The following SLC6A13 variants were observed in gnomAD, a reference collection of about 807,000 sequenced individuals.
The protein encoded by SLC6A13 is sodium- and chloride-dependent GABA transporter 2.
Under a neutral mutation model 72.9 loss-of-function variants are expected in SLC6A13, and 69 were observed. The ratio of observed to expected loss-of-function variants is 0.95; its 90% CI spans 0.78 to 1.16. The LOEUF (loss-of-function observed/expected upper bound fraction) is 1.16, where lower values mean the gene tolerates loss of function less well. Among genes scored for constraint, SLC6A13 ranks in the 50% most tolerant of loss-of-function variants. The pLI, the probability that SLC6A13 is intolerant of heterozygous loss-of-function variation, is 0.00. For synonymous variants in SLC6A13, 303 were observed against 303.0 expected, an observed-to-expected ratio of 1.00 and a Z score of 0.00; for missense variants, 735 against 760.5, an observed-to-expected ratio of 0.97 and a Z score of 0.39.
intron 6 of SLC6A13, 44 bp downstream of exon 6, chr12:237,114 G>A (rs758660129): frequency 7.5e-6 from 12 of 1,608,152 alleles, no homozygotes; most frequent in Admixed American, 3.3e-5. Context: ...CCCAGTGAGG[G>A]CAGGAGTCCG....
intron 2 of SLC6A13, chr12:253,667 G>A (rs1269350268): frequency 6.6e-6 from 1 of 152,426 alleles, no homozygotes; most frequent in African/African-American, 2.4e-5. Context: ...TGGGTGTTGA[G>A]CAACTTGGTC....
In SLC6A13 at chr12:235,271, A is replaced by AGCAGGGGCAGGAG. The variant is rs757169353; in HGVS notation, c.697-60_697-48dup. ...ACAAGGAGCTTGTGAGTGAGGAAGCAGCAGGGGCAGGAGGCAGGGGCAGGA... is the reference window on the plus strand; with the variant it reads ...ACAAGGAGCTTGTGAGTGAGGAAGCAGCAGGGGCAGGAGGCAGGGGCAGGAGGCAGGGGCAGGA... On this transcript the variant is annotated intron_variant, in intron 6 of 14. Coordinates refer to ENST00000343164, the MANE Select transcript of SLC6A13 (RefSeq NM_016615.5). 96 of 1,610,592 alleles carry AGCAGGGGCAGGAG rather than the reference A, an allele frequency of 6.0e-5. 1 individual carries two copies. Among genetic ancestry groups the AGCAGGGGCAGGAG allele is most frequent in the East Asian group, 3.8e-4 (17 of 44,844 alleles).
In SLC6A13 at chr12:224,446, G is replaced by A. The variant is rs572312425; in HGVS notation, c.1128C>T (p.Ala376=). ...GAACGACCATGAAGAAGAAACAGCA[G>A]GCCCAGAGAGGAGAGAAGGGCAGCA... The part of the protein sequence containing the change: ...VVMLPFSPLW[A]CCFFFMVVLL... The change falls in exon 10 of 15, where the codon GCC becomes GCT. Residue 376 remains alanine, a synonymous_variant. Coordinates refer to ENST00000343164, the MANE Select transcript of SLC6A13 (RefSeq NM_016615.5). 104 of 1,614,170 alleles carry A rather than the reference G, an allele frequency of 6.4e-5. 2 individuals carry two copies. In the South Asian group the frequency reaches 1.0e-3, roughly 16 times the overall value.
chr12:227,227 T>C (rs907887332), intron 8 of SLC6A13, among the ~76,000 whole-genome samples: 1 of 152,196 alleles, frequency 6.6e-6, no homozygotes, highest in South Asian at 2.1e-4. Context: ...ATCAAAGTTA[T>C]AAGGAAACGA....
At chr12:246,999 C>A (rs1942373414) in intron 2 of SLC6A13, among the ~76,000 whole-genome samples, 2 of 125,722 alleles carry the variant, frequency 1.6e-5, no homozygotes, top group Admixed American at 1.8e-4. Context: ...CAGAGTGAGA[C>A]TCCATCTCAA....
chr12:247,007 C>CAA (rs747908813), intron 2 of SLC6A13, among the ~76,000 whole-genome samples: 2,229 of 113,018 alleles, frequency 0.02, 39 homozygotes, highest in Middle Eastern at 0.053. Context: ...GACTCCATCT[C>CAA]AAAAAAAAAA....
At chr12:225,967 T>C (rs540225996) in intron 9 of SLC6A13, among the ~76,000 whole-genome samples, 1 of 152,234 alleles carries the variant, frequency 6.6e-6, no homozygotes, top group African/African-American at 2.4e-5. Context: ...ATTCATTTTA[T>C]AGTGAACAAA....
At chr12:224,297 G>T in intron 10 of SLC6A13, 104 bp downstream of exon 10, 1 of 1,331,992 alleles carries the variant, frequency 7.5e-7, no homozygotes, top group Non-Finnish European at 1.1e-6. Context: ...AAGCTCCTGT[G>T]TCCCCAAAAG....
In SLC6A13 at chr12:227,382, C is replaced by A. The variant is rs1941504352; in HGVS notation, c.935+183G>T. On this transcript the variant is annotated intron_variant, in intron 8 of 14. Transcript: ENST00000343164. ...CTATCCCACCCTTTCGGATGCAATT[C>A]TCTGTCCATCTTGCAGTTGGCTCCT... 3 of 606,110 alleles carry A rather than the reference C, an allele frequency of 4.9e-6. No homozygotes were observed. The African/African-American group carries it at 6.0e-5, about 12-fold the overall frequency. 37.5% of individuals were successfully genotyped at this position (606,110 alleles called of 1,614,324 possible). A position where few individuals can be genotyped will look rare whatever the true frequency, so the allele number is the denominator to read the frequency against.
chr12:244,945 G>A (rs1942296477), intron 2 of SLC6A13, among the ~76,000 whole-genome samples: 2 of 152,124 alleles, frequency 1.3e-5, no homozygotes, highest in South Asian at 4.1e-4. Context: ...ATAAGCATTG[G>A]CGGAGACAAG....
chr12:222,614 T>A lies in SLC6A13; in HGVS notation c.1433A>T (p.Asp478Val). 6.2e-7 allele frequency: 1 copy of A among 1,608,010 alleles called. No individual in the cohort carries two copies. The highest frequency in any genetic ancestry group is 8.5e-7 in the Non-Finnish European group (1 of 1,176,430). ...GTACCCAATCATGTCTTCGATGTTG[T>A]CGTAGAAGCGCTTGGCTCCTACCAT... ...AWVYGAKRFY[D>V]NIEDMIGYRP... is the part of the protein sequence containing the mutation. The change falls in exon 13 of 15, where the codon GAC becomes GTC. Residue 478 changes from aspartate (D) to valine (V), a missense_variant. Physicochemically the swap from Asp to Val is radical, Grantham distance 152. Transcript: ENST00000343164.
At chr12:243,926 C>T (rs770111259) in intron 2 of SLC6A13, 113 bp from the exon 3 acceptor site, 27 of 984,624 alleles carry the variant, frequency 2.7e-5, no homozygotes, top group Non-Finnish European at 3.7e-5. Context: ...AGGCAGAGAA[C>T]ATGCAAAACT....
rs913455422 is a variant in SLC6A13 at position 252,436 on chromosome 12, C to T, written c.202+7415G>A. The stretch of plus-strand genomic sequence containing the variant: ...TCTCAATTGTGGCAGTGGTTTCATG[C>T]GTATATACATATGTCAAAATTTATC... On this transcript the variant is annotated intron_variant, in intron 2 of 14. Coordinates refer to ENST00000343164, the MANE Select transcript of SLC6A13 (RefSeq NM_016615.5). 3.3e-5 allele frequency among the ~76,000 whole-genome samples: 5 copies of T among 152,146 alleles called. No homozygotes were observed. In the East Asian group the frequency reaches 7.7e-4, roughly 23 times the overall value.
chr12:234,454 G>A (rs527428593), intron 7 of SLC6A13, among the ~76,000 whole-genome samples: 2 of 152,146 alleles, frequency 1.3e-5, no homozygotes, highest in African/African-American at 4.8e-5. Flanking sequence ...TGCCTATGGA[G>A]TAGCCATTCT....
At chr12:253,302 G>A (rs1442207825) in intron 2 of SLC6A13, 2 of 152,248 alleles carry the variant, frequency 1.3e-5, no homozygotes, top group African/African-American at 2.4e-5. Flanking sequence ...ACAGAAGAGC[G>A]AGGAGCTTCC....
At position 237,957 on chromosome 12, in the gene SLC6A13, T is replaced by C. The variant is rs1167194214; in HGVS notation, c.532A>G (p.Asn178Asp). The C allele has an allele frequency of 6.2e-7, 1 of 1,613,940 alleles. No individual in the cohort carries two copies. The highest frequency in any genetic ancestry group is 8.5e-7 in the Non-Finnish European group (1 of 1,179,968). Residue 178 changes from asparagine to aspartate, a missense_variant, in exon 5 of 15, where the codon AAT becomes GAT. Physicochemically the swap from Asn to Asp is conservative, Grantham distance 23. Transcript: ENST00000343164. ...AACTCGATGACAGGAGAGGTGGCAT[T>C]CTCAGAGGTACCATTCAGGGAGCCG... The part of the protein sequence containing the change: ...TNGSLNGTSE[N>D]ATSPVIEFWE...
At chr12:257,545 T>A (rs1244946215) in intron 2 of SLC6A13, among the ~76,000 whole-genome samples, 18 of 151,962 alleles carry the variant, frequency 1.2e-4, no homozygotes. Context: ...AGAATCAGAG[T>A]GCTGGAAGGC....
At chr12:253,945 T>A (rs1226171077) in intron 2 of SLC6A13, among the ~76,000 whole-genome samples, 1 of 152,232 alleles carries the variant, frequency 6.6e-6, no homozygotes, top group Non-Finnish European at 1.5e-5. Flanking sequence ...AGACGGTTTT[T>A]TCATCTGGGC....
chr12:261,189 C>T (rs575388461), intron 1 of SLC6A13, among the ~76,000 whole-genome samples: 23 of 152,302 alleles, frequency 1.5e-4, no homozygotes, highest in African/African-American at 4.6e-4. Flanking sequence ...GATGACTGGA[C>T]GTGGCCCACA....
Sources: allele counts gnomAD v4.1 joint callset (sites outside exome capture counted in the v4.1 genomes callset), GRCh38; gene constraint gnomAD v4.1.1; transcripts MANE v1.5; gene names NCBI Gene and HGNC (gene_info 2026-07-23, HGNC 2026-07-21).